ZHX2: variants seen among roughly 807,000 people sequenced by gnomAD.
ZHX2 encodes zinc fingers and homeoboxes 2.
In ZHX2, 6 loss-of-function variants were observed where a neutral mutation model predicts 21.9. The observed-to-expected ratio is 0.27, with a 90% CI of 0.15 to 0.54. The LOEUF (loss-of-function observed/expected upper bound fraction) is 0.54. Among genes scored for constraint, ZHX2 ranks in the 20% least tolerant of loss-of-function variants. The probability of loss-of-function intolerance (pLI) is 0.95; values close to 1 mark genes in which losing one functional copy is unlikely to be tolerated. For missense variants in ZHX2, 908 were observed against 1,090.7 expected, an observed-to-expected ratio of 0.83 and a Z score of 2.36; for synonymous variants, 434 against 437.1, an observed-to-expected ratio of 0.99 and a Z score of 0.09.
intron 2 of ZHX2, among the ~76,000 whole-genome samples, chr8:122,879,643 T>C (rs979592764): frequency 6.6e-6 from 1 of 152,132 alleles, no homozygotes; most frequent in African/African-American, 2.4e-5. Context: ...CCCAGTTATG[T>C]GACTTTCTCA....
At chr8:122,845,193 A>G (rs1477965721) in intron 1 of ZHX2, among the ~76,000 whole-genome samples, 2 of 152,252 alleles carry the variant, frequency 1.3e-5, no homozygotes, top group Non-Finnish European at 1.5e-5. Context: ...CAATAATAAT[A>G]CTTCCTAATG....
intron 1 of ZHX2, among the ~76,000 whole-genome samples, chr8:122,797,559 G>A (rs1193084832): frequency 1.3e-5 from 2 of 152,152 alleles, no homozygotes; most frequent in Non-Finnish European, 2.9e-5. Context: ...CAGGATTCCT[G>A]AATCCAGGCC....
At chr8:122,963,877 G>T (rs113847418) in intron 3 of ZHX2, among the ~76,000 whole-genome samples, 1,238 of 25,486 alleles carry the variant, frequency 0.049, 10 homozygotes, top group African/African-American at 0.15. Context: ...GGTTTTTTTT[G>T]TTGTTGTTTC....
chr8:122,968,891 G>T (rs543121405), intron 3 of ZHX2, among the ~76,000 whole-genome samples: 1 of 151,888 alleles, frequency 6.6e-6, no homozygotes, highest in African/African-American at 2.4e-5. Context: ...AGACACAGTG[G>T]CTCACGCATG....
chr8:122,909,996 T>A (rs750244511), intron 2 of ZHX2, among the ~76,000 whole-genome samples: 12 of 152,092 alleles, frequency 7.9e-5, no homozygotes, highest in Non-Finnish European at 1.6e-4. Flanking sequence ...TCACTTCCCT[T>A]AAACACACCA....
chr8:122,798,805 A>G (rs1415825391), intron 1 of ZHX2, among the ~76,000 whole-genome samples: 8 of 151,662 alleles, frequency 5.3e-5, no homozygotes, highest in Non-Finnish European at 5.9e-5. Flanking sequence ...CTGTCTCAAA[A>G]AAAAAAAAAA....
At chr8:122,821,532 T>TA (rs775665251) in intron 1 of ZHX2, among the ~76,000 whole-genome samples, 231 of 136,072 alleles carry the variant, frequency 1.7e-3, no homozygotes, top group South Asian at 1.9e-3. Context: ...ATCAAACACT[T>TA]AAAAAAAAAA....
At chr8:122,895,851 C>A (rs1027257924) in intron 2 of ZHX2, among the ~76,000 whole-genome samples, 6 of 152,148 alleles carry the variant, frequency 3.9e-5, no homozygotes, top group Non-Finnish European at 7.3e-5. Context: ...CTAGTACCCC[C>A]AGCCCTCCCA....
At chr8:122,921,891 C>T (rs913716112) in intron 2 of ZHX2, among the ~76,000 whole-genome samples, 27 of 152,146 alleles carry the variant, frequency 1.8e-4, no homozygotes, top group Admixed American at 5.2e-4. Flanking sequence ...CTGTTAAAAA[C>T]AGATGTCACC....
At chr8:122,949,692 C>G (rs1813063047) in intron 2 of ZHX2, among the ~76,000 whole-genome samples, 2 of 152,092 alleles carry the variant, frequency 1.3e-5, no homozygotes, top group Non-Finnish European at 2.9e-5. Context: ...TGGCAAAACC[C>G]TGTCTCTACT....
chr8:122,936,764 C>T (rs993681512), intron 2 of ZHX2, among the ~76,000 whole-genome samples: 2 of 152,318 alleles, frequency 1.3e-5, no homozygotes, highest in African/African-American at 2.4e-5. Flanking sequence ...TTCAGCTCAG[C>T]GCCCAGGCAT....
At chr8:122,945,456 A>AG in intron 2 of ZHX2, among the ~76,000 whole-genome samples, 1 of 134,670 alleles carries the variant, frequency 7.4e-6, no homozygotes, top group Non-Finnish European at 1.7e-5. Flanking sequence ...AAAAAAAAAA[A>AG]AAAAAAAGGC....
intron 3 of ZHX2, among the ~76,000 whole-genome samples, chr8:122,969,257 T>C (rs965004530): frequency 1.3e-5 from 2 of 151,924 alleles, no homozygotes; most frequent in South Asian, 4.1e-4. Flanking sequence ...ATGTGGGGAA[T>C]TTTCATACAA....
intron 1 of ZHX2, among the ~76,000 whole-genome samples, chr8:122,829,394 C>T (rs1818324740): frequency 6.6e-6 from 1 of 152,224 alleles, no homozygotes; most frequent in East Asian, 1.9e-4. Context: ...GCTTCAAGAA[C>T]TTATAACAAT....
intron 1 of ZHX2, among the ~76,000 whole-genome samples, chr8:122,790,259 G>A (rs112223408): frequency 2.6e-5 from 4 of 152,172 alleles, no homozygotes; most frequent in Non-Finnish European, 4.4e-5. Context: ...GCCCGGAAAG[G>A]TAAGATAATT....
intron 2 of ZHX2, among the ~76,000 whole-genome samples, chr8:122,950,593 T>TA (rs1489190782): frequency 6.6e-6 from 1 of 152,066 alleles, no homozygotes; most frequent in Non-Finnish European, 1.5e-5. Flanking sequence ...AATAAAATTT[T>TA]AAAAAAGTCC....
At chr8:122,900,880 A>G (rs1487256011) in intron 2 of ZHX2, among the ~76,000 whole-genome samples, 1 of 152,206 alleles carries the variant, frequency 6.6e-6, no homozygotes, top group Non-Finnish European at 1.5e-5. Flanking sequence ...TGCACTTACC[A>G]TTAGTAGCAC....
intron 2 of ZHX2, among the ~76,000 whole-genome samples, chr8:122,868,657 C>T (rs9694894): frequency 0.36 from 52,488 of 147,666 alleles, 9,609 homozygotes; most frequent in African/African-American, 0.45. Flanking sequence ...GCCGAGATCG[C>T]GCCACTGCAC....
chr8:122,892,119 A>G (rs903847368), intron 2 of ZHX2, among the ~76,000 whole-genome samples: 32 of 152,202 alleles, frequency 2.1e-4, no homozygotes, highest in African/African-American at 7.0e-4. Flanking sequence ...CTGAGTGCAT[A>G]TATATTTACA....
Sources: allele counts gnomAD v4.1 joint callset (sites outside exome capture counted in the v4.1 genomes callset), GRCh38; gene constraint gnomAD v4.1.1; transcripts MANE v1.5; gene names NCBI Gene and HGNC (gene_info 2026-07-23, HGNC 2026-07-21).